Variants in DGKB observed in about 807,000 individuals in gnomAD.
The protein encoded by DGKB is 90 kDa diacylglycerol kinase.
DGKB carries 67 observed loss-of-function variants against 114.3 expected under a neutral mutation model. The observed-to-expected ratio is 0.59, with a 90% CI of 0.48 to 0.72. The LOEUF is 0.72. Ranked by LOEUF, DGKB falls within the 30% of genes least tolerant of loss-of-function variation. The pLI is 0.00. For missense variants in DGKB, 907 were observed against 975.2 expected (o/e 0.93, Z 0.93); for synonymous variants, 398 against 323.1 (o/e 1.23, Z -2.49).
intron 13 of DGKB, among the ~76,000 whole-genome samples, chr7:14,654,582 G>A (rs144474361): frequency 1.6e-4 from 25 of 151,918 alleles, no homozygotes; most frequent in Non-Finnish European, 3.1e-4. Context: ...AGTAGTCAAA[G>A]TAATACTGAG....
Position 14,149,268 on chromosome 7 carries a change from A to G in DGKB, c.2305-30T>C, listed in dbSNP as rs763450518. 3.3e-5 allele frequency: 47 copies of G among 1,414,326 alleles called. 1 individual carries two copies. Among genetic ancestry groups the G allele is most frequent in the South Asian group, 9.4e-5 (8 of 85,026 alleles). 87.6% of individuals were successfully genotyped at this position (1,414,326 alleles called of 1,614,324 possible). The stretch of plus-strand genomic sequence containing the variant: ...AAAAAAAGAGAGAGAGAGAGAGAGA[A>G]AGAATAGAGTAATCTCCAGATAGAT... On this transcript the variant is annotated intron_variant, in intron 25 of 25. Coordinates refer to ENST00000402815, the MANE Select transcript of DGKB (RefSeq NM_001350709.2).
At chr7:14,258,737 C>A (rs996977053) in intron 23 of DGKB, among the ~76,000 whole-genome samples, 4 of 152,128 alleles carry the variant, frequency 2.6e-5, no homozygotes, top group Non-Finnish European at 5.9e-5. Flanking sequence ...CAAAAAGGAA[C>A]AGACTTTTCA....
intron 17 of DGKB, among the ~76,000 whole-genome samples, chr7:14,592,553 A>G (rs897319870): frequency 1.3e-5 from 2 of 151,904 alleles, no homozygotes; most frequent in South Asian, 4.1e-4. Context: ...TTGTTTTTGA[A>G]ACAATATTTA....
At chr7:14,369,185 C>T (rs1035402438) in intron 21 of DGKB, among the ~76,000 whole-genome samples, 6 of 151,750 alleles carry the variant, frequency 4.0e-5, no homozygotes, top group Non-Finnish European at 7.4e-5. Context: ...ATTTTCTGTT[C>T]CTGTGTTAGT....
chr7:14,521,945 G>A (rs1789839929), intron 20 of DGKB, among the ~76,000 whole-genome samples: 1 of 151,902 alleles, frequency 6.6e-6, no homozygotes, highest in Non-Finnish European at 1.5e-5. Context: ...ATTTTGCCTG[G>A]ACTAAATCTG....
At chr7:14,532,914 C>A (rs1050038005) in intron 20 of DGKB, among the ~76,000 whole-genome samples, 4 of 151,656 alleles carry the variant, frequency 2.6e-5, no homozygotes, top group African/African-American at 9.7e-5. Context: ...TTGACAAAGT[C>A]AGTCTGTAAA....
At chr7:14,221,081 T>C (rs1425771819) in intron 23 of DGKB, among the ~76,000 whole-genome samples, 3 of 151,394 alleles carry the variant, frequency 2.0e-5, no homozygotes, top group Non-Finnish European at 4.4e-5. Flanking sequence ...TTCCTTAAGA[T>C]CTCCTATATA....
At chr7:14,263,070 T>G (rs1367839613) in intron 23 of DGKB, among the ~76,000 whole-genome samples, 1 of 152,090 alleles carries the variant, frequency 6.6e-6, no homozygotes, top group Non-Finnish European at 1.5e-5. Context: ...AGGGATTCAT[T>G]AAGAATTGGA....
rs560510078 is a variant in DGKB, at chr7:14,652,823, C to T, written c.1134+20106G>A. 2.6e-5 allele frequency among the ~76,000 whole-genome samples: 4 copies of T among 152,138 alleles called. No individual in the cohort carries two copies. The South Asian group carries it at 6.2e-4, about 24-fold the overall frequency. On this transcript the variant is annotated intron_variant, in intron 13 of 25. Transcript: ENST00000402815. ...AATTCACAAGAAAAAAACAAACAAC[C>T]CCATCAAAAAGTGGGCAAAGTATAT...
chr7:14,371,498 G>C lies in DGKB; in HGVS notation c.1836-26107C>G, dbSNP rs187472247. On this transcript the variant is annotated intron_variant, in intron 21 of 25. Transcript: ENST00000402815. ...TGAGAAGTGTTTGTTCATGTCTTTT[G>C]CTTGTTAAATAGTTTTGTTTTTTAC... Among the ~76,000 whole-genome samples, 4 of 152,050 alleles carry C rather than the reference G, an allele frequency of 2.6e-5. No homozygotes were observed. In the East Asian group the frequency reaches 7.7e-4, roughly 29 times the overall value.
intron 19 of DGKB, among the ~76,000 whole-genome samples, chr7:14,578,879 G>A (rs950663760): frequency 6.6e-6 from 1 of 152,168 alleles, no homozygotes; most frequent in African/African-American, 2.4e-5. Context: ...ATGACAAATA[G>A]GTTCCTGCAT....
chr7:14,920,426 C>A (rs975492278), intron 1 of DGKB, among the ~76,000 whole-genome samples: 3 of 152,086 alleles, frequency 2.0e-5, no homozygotes, highest in East Asian at 1.9e-4. Flanking sequence ...TAGGTAACTG[C>A]AAATTATAAG....
At chr7:14,201,262 C>T (rs1194969232) in intron 23 of DGKB, among the ~76,000 whole-genome samples, 1 of 151,102 alleles carries the variant, frequency 6.6e-6, no homozygotes, top group Non-Finnish European at 1.5e-5. Flanking sequence ...ATGGCACCAC[C>T]CTCATAACTT....
chr7:14,670,829 A>T (rs1043716447), intron 13 of DGKB, among the ~76,000 whole-genome samples: 1 of 152,094 alleles, frequency 6.6e-6, no homozygotes, highest in African/African-American at 2.4e-5. Flanking sequence ...CCCCTGCTGG[A>T]ATGTAAACTC....
At position 14,553,810 on chromosome 7, in the gene DGKB, TTA is replaced by T. The variant is rs79638231; in HGVS notation, c.1770+20400_1770+20401del. 0.015 allele frequency among the ~76,000 whole-genome samples: 2,299 copies of T among 151,750 alleles called. 128 individuals carry two copies. The East Asian group carries it at 0.2, about 13-fold the overall frequency. On this transcript the variant is annotated intron_variant, in intron 20 of 25. Transcript: ENST00000402815. ...GAGGTATATATATTTGCAGATTAAT[TTA>T]TATGTTTTCATATACATATTTTGAT...
At chr7:14,536,976 G>A (rs1792611367) in intron 20 of DGKB, among the ~76,000 whole-genome samples, 2 of 152,216 alleles carry the variant, frequency 1.3e-5, no homozygotes, top group Admixed American at 6.5e-5. Context: ...CAAGTTACAA[G>A]ATAGGTAGTA....
intron 21 of DGKB, 116 bp downstream of exon 21, chr7:14,478,045 C>T (rs1347395235): frequency 2.9e-5 from 17 of 582,032 alleles, no homozygotes; most frequent in South Asian, 5.7e-5. Context: ...CACACACACA[C>T]GCACACAAAG....
At position 14,453,802 on chromosome 7, in the gene DGKB, A is replaced by G. The variant is rs1421873374; in HGVS notation, c.1835+24359T>C. The stretch of plus-strand genomic sequence containing the variant: ...AAATGCAGCCAAAGATAGCAGAAAA[A>G]CAAGTGACCTTGGTTGTGTTCCACA... On this transcript the variant is annotated intron_variant, in intron 21 of 25. Transcript: ENST00000402815. 3.3e-5 allele frequency among the ~76,000 whole-genome samples: 5 copies of G among 152,220 alleles called. No homozygotes were observed. The East Asian group carries it at 9.7e-4, about 29-fold the overall frequency.
chr7:14,342,427 C>G (rs541119296), intron 22 of DGKB, among the ~76,000 whole-genome samples: 1 of 151,760 alleles, frequency 6.6e-6, no homozygotes, highest in African/African-American at 2.4e-5. Context: ...CCTCCAAATA[C>G]TTTAATATAA....
Sources: gnomAD v4.1 joint callset for allele counts (sites outside exome capture counted in the v4.1 genomes callset) on GRCh38, gnomAD v4.1.1 for gene constraint, MANE v1.5 for transcripts, NCBI Gene and HGNC (gene_info 2026-07-23, HGNC 2026-07-21) for gene names.